Variants in TRPM7 observed in about 807,000 individuals in gnomAD.
TRPM7 encodes LTRPC ion channel family member 7.
In TRPM7, 134 loss-of-function variants were observed where a neutral mutation model predicts 229.7. The ratio of observed to expected loss-of-function variants is 0.58; its 90% CI spans 0.51 to 0.67. The LOEUF (loss-of-function observed/expected upper bound fraction) is 0.67, where lower values mean the gene tolerates loss of function less well. TRPM7 is among the 30% of genes least tolerant of loss of function. The pLI is 0.00. For missense variants in TRPM7, 1,901 were observed against 2,210.0 expected (o/e 0.86, Z 2.80); for synonymous variants, 699 against 715.2 (o/e 0.98, Z 0.36).
intron 13 of TRPM7, among the ~76,000 whole-genome samples, chr15:50,618,569 C>CAATAAATA (rs112152993): frequency 0.012 from 1,709 of 142,046 alleles, 21 homozygotes; most frequent in East Asian, 0.023. Context: ...GATTCCGTCT[C>CAATAAATA]AATAAATAAA....
rs138128762 is a variant in TRPM7, at chr15:50,657,474, A to G, written c.122+307T>C. 6.7e-4 allele frequency among the ~76,000 whole-genome samples: 102 copies of G among 152,282 alleles called. 1 individual carries two copies. The highest frequency in any genetic ancestry group is 2.2e-3 in the African/African-American group (93 of 41,570). On this transcript the variant is annotated intron_variant, in intron 3 of 38. Coordinates refer to ENST00000646667, the MANE Select transcript of TRPM7 (RefSeq NM_017672.6). ...CAAATCTCTCAAATCTCCATCTTAC[A>G]TTCTGCAGTTTCCTGACAGAACCAT...
chr15:50,584,511 AC>A (rs1193192016), intron 28 of TRPM7, among the ~76,000 whole-genome samples: 9 of 152,064 alleles, frequency 5.9e-5, no homozygotes, highest in African/African-American at 2.2e-4. Context: ...GTCAACAGAT[AC>A]GGCCTAAAAC....
chr15:50,586,555 T>C (rs532135940), intron 27 of TRPM7, 67 bp from the exon 28 acceptor site: 12 of 1,003,468 alleles, frequency 1.2e-5, no homozygotes, highest in African/African-American at 6.4e-5. Context: ...TTACTCTAAG[T>C]AGTATTAGAG....
At chr15:50,668,656 C>T (rs750059106) in intron 1 of TRPM7, among the ~76,000 whole-genome samples, 12 of 152,140 alleles carry the variant, frequency 7.9e-5, no homozygotes, top group Non-Finnish European at 1.5e-4. Context: ...TACAGATGCC[C>T]GCCACCACAC....
In TRPM7 at chr15:50,574,711, T is replaced by C. The variant is rs1304190542; in HGVS notation, c.5028A>G (p.Gln1676=). Reference sequence around the variant, plus strand: ...TAAGCTTTTGTGCTGCTCTCTGTTGTTGAATTTCCTATAAAAGGGAGGGTG... The same window carrying C: ...TAAGCTTTTGTGCTGCTCTCTGTTGCTGAATTTCCTATAAAAGGGAGGGTG... ...TVLHLCLREI[Q]QQRAAQKLTF... is the part of the protein sequence containing the mutation. The change falls in exon 35 of 39, where the codon CAA becomes CAG. Residue 1676 remains glutamine, a synonymous_variant. Coordinates refer to ENST00000646667, the MANE Select transcript of TRPM7 (RefSeq NM_017672.6). 2 of 1,613,422 alleles carry C rather than the reference T, an allele frequency of 1.2e-6. No homozygotes were observed. The highest frequency in any genetic ancestry group is 1.1e-5 in the South Asian group (1 of 90,846).
At chr15:50,652,525 C>CAA (rs71127103) in intron 3 of TRPM7, among the ~76,000 whole-genome samples, 23 of 128,092 alleles carry the variant, frequency 1.8e-4, no homozygotes, top group East Asian at 6.8e-4. Flanking sequence ...GACTCTGTCT[C>CAA]AAAAAAAAAA....
Position 50,654,602 on chromosome 15 carries a change from CATA to C in TRPM7, c.122+3176_122+3178del, listed in dbSNP as rs1483062957. 2.0e-5 allele frequency among the ~76,000 whole-genome samples: 3 copies of C among 151,538 alleles called. No homozygotes were observed. In the East Asian group the frequency reaches 5.8e-4, roughly 29 times the overall value. Reference sequence around the variant, plus strand: ...TGAAGGGCATACAGGAATAGACAGTCATAATGAGAGTGCACATGGTGCATCTCA... The same window carrying C: ...TGAAGGGCATACAGGAATAGACAGTCATGAGAGTGCACATGGTGCATCTCA... On this transcript the variant is annotated intron_variant, in intron 3 of 38. Coordinates refer to ENST00000646667, the MANE Select transcript of TRPM7 (RefSeq NM_017672.6).
At chr15:50,642,892 A>T (rs2061144853) in intron 5 of TRPM7, among the ~76,000 whole-genome samples, 1 of 152,142 alleles carries the variant, frequency 6.6e-6, no homozygotes. Flanking sequence ...ATAACCAAAC[A>T]GGTTCGATTA....
chr15:50,608,739 GA>G (rs1378673245), intron 19 of TRPM7, among the ~76,000 whole-genome samples: 2 of 152,126 alleles, frequency 1.3e-5, no homozygotes, highest in Non-Finnish European at 2.9e-5. Flanking sequence ...TGATGAAAAT[GA>G]AAAAATCTCC....
intron 31 of TRPM7, among the ~76,000 whole-genome samples, chr15:50,577,624 C>T (rs2054198767): frequency 6.6e-6 from 1 of 152,136 alleles, no homozygotes; most frequent in Non-Finnish European, 1.5e-5. Context: ...GGACCCCAAA[C>T]TGGTATAACC....
At chr15:50,656,347 A>C (rs539833825) in intron 3 of TRPM7, among the ~76,000 whole-genome samples, 1 of 151,992 alleles carries the variant, frequency 6.6e-6, no homozygotes, top group East Asian at 1.9e-4. Flanking sequence ...TTGCCCAGGC[A>C]GGAGTGCAGT....
rs1173324351 is a variant in TRPM7 at position 50,560,227 on chromosome 15, C to G, written c.*1451G>C. 6.6e-6 allele frequency: 1 copy of G among 152,380 alleles called. No individual in the cohort carries two copies. Among genetic ancestry groups the G allele is most frequent in the African/African-American group, 2.4e-5 (1 of 41,404 alleles). 9.4% of individuals were successfully genotyped at this position (152,380 alleles called of 1,614,324 possible). A position where few individuals can be genotyped will look rare whatever the true frequency, so the allele number is the denominator to read the frequency against. The stretch of plus-strand genomic sequence containing the variant: ...TATACAAATGGTTCATTTAAAAAAA[C>G]TGATACTCAAATTGACACCCTGAAA... On this transcript the variant is annotated 3_prime_UTR_variant, in exon 39 of 39. Transcript: ENST00000646667.
intron 36 of TRPM7, among the ~76,000 whole-genome samples, chr15:50,571,329 T>C (rs1030009560): frequency 9.8e-5 from 15 of 152,338 alleles, no homozygotes; most frequent in African/African-American, 3.6e-4. Context: ...GTTATTAAAA[T>C]TAAAATTGTA....
chr15:50,617,958 C>T (rs2060275602), intron 13 of TRPM7, among the ~76,000 whole-genome samples: 1 of 152,048 alleles, frequency 6.6e-6, no homozygotes, highest in Non-Finnish European at 1.5e-5. Flanking sequence ...CAGCCCTGGC[C>T]TTCTATGTTT....
intron 28 of TRPM7, among the ~76,000 whole-genome samples, chr15:50,586,103 T>C (rs2059336051): frequency 6.6e-6 from 1 of 152,310 alleles, no homozygotes; most frequent in East Asian, 1.9e-4. Flanking sequence ...GATTAAAACA[T>C]GATACAGATG....
chr15:50,611,936 T>C (rs1167439371), intron 16 of TRPM7, among the ~76,000 whole-genome samples: 1 of 152,234 alleles, frequency 6.6e-6, no homozygotes, highest in Non-Finnish European at 1.5e-5. Flanking sequence ...CGTTACTCTG[T>C]GTATGTAGTT....
chr15:50,604,045 A>C (rs909139969), intron 21 of TRPM7: 2 of 152,208 alleles, frequency 1.3e-5, no homozygotes, highest in African/African-American at 4.8e-5. Context: ...AAGGAATAGC[A>C]ATAGCTATAT....
chr15:50,588,979 C>G (rs111526393), intron 27 of TRPM7, among the ~76,000 whole-genome samples: 1 of 152,036 alleles, frequency 6.6e-6, no homozygotes, highest in African/African-American at 2.4e-5. Context: ...AGAGTGAGCT[C>G]ATTAAGTATT....
At chr15:50,652,005 A>G (rs970252918) in intron 3 of TRPM7, among the ~76,000 whole-genome samples, 6 of 152,034 alleles carry the variant, frequency 3.9e-5, no homozygotes, top group South Asian at 4.1e-4. Context: ...CAGCAAATTA[A>G]ACTCAAAGTA....
Sources: allele counts gnomAD v4.1 joint callset (sites outside exome capture counted in the v4.1 genomes callset), GRCh38; gene constraint gnomAD v4.1.1; transcripts MANE v1.5; gene names NCBI Gene and HGNC (gene_info 2026-07-23, HGNC 2026-07-21).